Variants in ESR1 observed in about 807,000 individuals in gnomAD.
ESR1 encodes estrogen receptor.
Under a neutral mutation model 52.7 loss-of-function variants are expected in ESR1, and 12 were observed. That is an observed-to-expected ratio of 0.23 (90% CI 0.15 to 0.37). The LOEUF is 0.37. Among genes scored for constraint, ESR1 ranks in the 10% least tolerant of loss-of-function variants. ESR1 has a pLI of 1.00. For missense variants in ESR1, 584 were observed against 779.7 expected, an observed-to-expected ratio of 0.75 and a Z score of 2.99; for synonymous variants, 305 against 316.8, an observed-to-expected ratio of 0.96 and a Z score of 0.39.
intron 4 of ESR1, among the ~76,000 whole-genome samples, chr6:151,980,345 TTCTC>T (rs1238141308): frequency 6.6e-6 from 1 of 152,222 alleles, no homozygotes; most frequent in Non-Finnish European, 1.5e-5. Context: ...TCCCAGTCTC[TTCTC>T]TCTTTGATGT....
intron 4 of ESR1, among the ~76,000 whole-genome samples, chr6:152,003,926 G>A (rs548397867): frequency 6.6e-6 from 1 of 152,012 alleles, no homozygotes; most frequent in East Asian, 1.9e-4. Context: ...CTAAACTGAT[G>A]AATAAAGGTT....
chr6:152,072,518 G>A (rs542648792), intron 6 of ESR1, among the ~76,000 whole-genome samples: 3 of 152,262 alleles, frequency 2.0e-5, no homozygotes, highest in South Asian at 2.1e-4. Context: ...GGAAGCTACT[G>A]GACACGGGAC....
chr6:152,097,047 C>T (rs757350915), intron 7 of ESR1, among the ~76,000 whole-genome samples: 13 of 152,146 alleles, frequency 8.5e-5, no homozygotes, highest in Non-Finnish European at 1.6e-4. Context: ...TTACTGGCCA[C>T]GTCTGGCAGA....
intron 2 of ESR1, among the ~76,000 whole-genome samples, chr6:151,792,759 C>A (rs1776295585): frequency 1.3e-5 from 2 of 152,178 alleles, no homozygotes; most frequent in South Asian, 4.1e-4. Context: ...TTTTTAAAAT[C>A]TTCTTGACTG....
chr6:151,669,759 T>C (rs1777983285), intron 1 of ESR1, among the ~76,000 whole-genome samples: 1 of 152,190 alleles, frequency 6.6e-6, no homozygotes, highest in African/African-American at 2.4e-5. Context: ...GTGTTTGCTA[T>C]CACGAGGGTA....
At chr6:151,766,514 C>G (rs1176089693) in intron 2 of ESR1, among the ~76,000 whole-genome samples, 1 of 150,834 alleles carries the variant, frequency 6.6e-6, no homozygotes, top group Non-Finnish European at 1.5e-5. Flanking sequence ...TAAAAAAAAA[C>G]AAATAAAAAT....
intron 3 of ESR1, among the ~76,000 whole-genome samples, chr6:151,903,432 C>T (rs920171869): frequency 1.3e-5 from 2 of 152,160 alleles, no homozygotes; most frequent in Non-Finnish European, 2.9e-5. Flanking sequence ...GCTTTTGGTT[C>T]TAAACACTGC....
intron 3 of ESR1, among the ~76,000 whole-genome samples, chr6:151,925,128 T>G (rs569782922): frequency 8.0e-5 from 12 of 149,270 alleles, no homozygotes; most frequent in East Asian, 4.3e-4. Context: ...ATCTGGTTTT[T>G]TTTGTTTGTT....
intron 6 of ESR1, among the ~76,000 whole-genome samples, chr6:152,116,623 A>C (rs773079502): frequency 9.1e-4 from 138 of 152,168 alleles, no homozygotes; most frequent in Non-Finnish European, 1.4e-3. Context: ...ATTAGCCTTT[A>C]AAATAGACAC....
intron 2 of ESR1, among the ~76,000 whole-genome samples, chr6:151,763,543 TAGTC>T (rs886518529): frequency 6.6e-6 from 1 of 152,182 alleles, no homozygotes; most frequent in Admixed American, 6.5e-5. Flanking sequence ...GGGGTGGTGT[TAGTC>T]AGGGATTACT....
At chr6:152,124,525 T>C (rs897500870) in intron 6 of ESR1, among the ~76,000 whole-genome samples, 28 of 152,194 alleles carry the variant, frequency 1.8e-4, no homozygotes, top group Admixed American at 2.6e-4. Context: ...CAAATTAGCA[T>C]AGATGGTCTT....
chr6:151,874,924 A>G (rs1032205247), intron 2 of ESR1, among the ~76,000 whole-genome samples: 21 of 152,244 alleles, frequency 1.4e-4, no homozygotes, highest in African/African-American at 4.8e-4. Context: ...TATGAAAACA[A>G]ATCATTATTA....
At chr6:151,758,284 A>AAGG (rs2128091069) in intron 2 of ESR1, among the ~76,000 whole-genome samples, 1 of 152,334 alleles carries the variant, frequency 6.6e-6, no homozygotes, top group African/African-American at 2.4e-5. Context: ...AACTTAAAAT[A>AAGG]TACTCGTCTC....
downstream of ESR1, among the ~76,000 whole-genome samples, chr6:152,105,528 C>T (rs1181570981): frequency 1.3e-5 from 2 of 151,106 alleles, no homozygotes; most frequent in African/African-American, 2.4e-5. Context: ...TGGGTTCAAG[C>T]GATTCTCCTG....
chr6:152,014,795 C>T (rs1284215955), intron 5 of ESR1, among the ~76,000 whole-genome samples: 2 of 152,148 alleles, frequency 1.3e-5, no homozygotes, highest in East Asian at 3.9e-4. Flanking sequence ...GTCCATCTCC[C>T]ATACTGCTGC....
chr6:151,903,451 A>G (rs1271861277), intron 3 of ESR1, among the ~76,000 whole-genome samples: 1 of 152,138 alleles, frequency 6.6e-6, no homozygotes, highest in African/African-American at 2.4e-5. Context: ...GCTTGACCTC[A>G]TTCTGGTTTG....
chr6:152,027,621 A>G (rs945530261), intron 5 of ESR1, among the ~76,000 whole-genome samples: 14 of 152,202 alleles, frequency 9.2e-5, no homozygotes, highest in African/African-American at 3.4e-4. Flanking sequence ...GTAGTATAAA[A>G]TGTTGCTCAC....
chr6:151,718,716 C>A (rs138807689), intron 2 of ESR1, among the ~76,000 whole-genome samples: 17 of 152,282 alleles, frequency 1.1e-4, no homozygotes, highest in African/African-American at 4.1e-4. Flanking sequence ...TTAAAAATAT[C>A]TTTTAGTTAG....
At chr6:152,060,906 A>G (rs2128956944) in intron 5 of ESR1, 85 bp from the exon 6 acceptor site, 2 of 1,095,110 alleles carry the variant, frequency 1.8e-6, no homozygotes, top group Non-Finnish European at 2.7e-6. Context: ...GATTTTTATG[A>G]ATGTGAACCC....
Sources: gnomAD v4.1 joint callset for allele counts (sites outside exome capture counted in the v4.1 genomes callset) on GRCh38, gnomAD v4.1.1 for gene constraint, MANE v1.5 for transcripts, NCBI Gene and HGNC (gene_info 2026-07-23, HGNC 2026-07-21) for gene names.